FRZB: variants seen among roughly 807,000 people sequenced by gnomAD.
FRZB encodes frizzled related protein.
Under a neutral mutation model 32.5 loss-of-function variants are expected in FRZB, and 34 were observed. The observed-to-expected ratio is 1.05, with a 90% CI of 0.80 to 1.39. The LOEUF is 1.39. FRZB is among the 40% of genes most tolerant of loss of function. The pLI is 0.00. For missense variants in FRZB, 423 were observed against 424.8 expected, an observed-to-expected ratio of 1.00 and a Z score of 0.04; for synonymous variants, 170 against 159.2, an observed-to-expected ratio of 1.07 and a Z score of -0.51.
chr2:182,838,566 T>C lies in FRZB; in HGVS notation c.640A>G (p.Thr214Ala). Residue 214 changes from threonine to alanine, a missense_variant, in exon 4 of 6, where the codon ACT becomes GCT. By Grantham distance (58) the Thr-to-Ala change is moderately conservative. Transcript: ENST00000295113. ...KEIKTKCHDVTAVVEVKEILK... is the reference protein window; with the variant it reads ...KEIKTKCHDVAAVVEVKEILK... ...ATCTCCTTCACCTCCACTACTGCAG[T>C]CACATCATGGCACTTAGTCTTTATC... is the stretch of plus-strand genomic sequence containing the variant. 1.2e-6 allele frequency: 2 copies of C among 1,612,844 alleles called. No individual in the cohort carries two copies. Among genetic ancestry groups the C allele is most frequent in the Non-Finnish European group, 8.5e-7 (1 of 1,179,120 alleles).
chr2:182,842,420 C>T (rs1695596264), intron 3 of FRZB, 58 bp downstream of exon 3: 3 of 1,167,980 alleles, frequency 2.6e-6, no homozygotes, highest in Non-Finnish European at 2.6e-6. Flanking sequence ...CTCATAGGTG[C>T]ATCCACACAC....
intron 2 of FRZB, among the ~76,000 whole-genome samples, chr2:182,852,683 T>C (rs1345973203): frequency 6.6e-6 from 1 of 152,216 alleles, no homozygotes; most frequent in African/African-American, 2.4e-5. Flanking sequence ...CACTTGAATA[T>C]CTGCTTTAAT....
At chr2:182,850,598 A>G (rs1439344319) in intron 2 of FRZB, among the ~76,000 whole-genome samples, 1 of 152,196 alleles carries the variant, frequency 6.6e-6, no homozygotes, top group African/African-American at 2.4e-5. Context: ...TTGTGCATAT[A>G]TACTACATTC....
At chr2:182,841,054 T>C (rs937582079) in intron 3 of FRZB, among the ~76,000 whole-genome samples, 6 of 152,118 alleles carry the variant, frequency 3.9e-5, no homozygotes, top group Non-Finnish European at 8.8e-5. Flanking sequence ...AGGGCTCCCT[T>C]TTCCCTAGGC....
intron 2 of FRZB, among the ~76,000 whole-genome samples, chr2:182,847,681 G>C (rs1695661280): frequency 6.6e-6 from 1 of 152,204 alleles, no homozygotes; most frequent in South Asian, 2.1e-4. Flanking sequence ...TCTCATTGAA[G>C]AATGAAGTGA....
At chr2:182,851,261 G>T (rs1244609502) in intron 2 of FRZB, among the ~76,000 whole-genome samples, 1 of 152,152 alleles carries the variant, frequency 6.6e-6, no homozygotes, top group African/African-American at 2.4e-5. Flanking sequence ...GGTGAGATCG[G>T]TGGACTAAAA....
chr2:182,845,601 AC>A (rs1420197439), intron 2 of FRZB, among the ~76,000 whole-genome samples: 1 of 152,234 alleles, frequency 6.6e-6, no homozygotes, highest in Non-Finnish European at 1.5e-5. Context: ...GTTGGTTTTG[AC>A]AAAATAGGCT....
At chr2:182,864,516 T>C (rs1322756030) in intron 1 of FRZB, among the ~76,000 whole-genome samples, 1 of 152,246 alleles carries the variant, frequency 6.6e-6, no homozygotes, top group East Asian at 1.9e-4. Context: ...ATTTCTGTGA[T>C]GATTTTGCAC....
intron 2 of FRZB, among the ~76,000 whole-genome samples, chr2:182,851,105 G>A (rs897119265): frequency 6.6e-6 from 1 of 152,114 alleles, no homozygotes; most frequent in African/African-American, 2.4e-5. Flanking sequence ...TGTCAGAGTT[G>A]CTTATATATT....
chr2:182,858,691 G>T, intron 2 of FRZB, 95 bp downstream of exon 2: 1 of 809,184 alleles, frequency 1.2e-6, no homozygotes, highest in Non-Finnish European at 2.0e-6. Flanking sequence ...TAAAATGTAG[G>T]GCACAAGCTT....
intron 3 of FRZB, among the ~76,000 whole-genome samples, chr2:182,839,877 G>C (rs912014581): frequency 4.6e-5 from 7 of 152,112 alleles, no homozygotes; most frequent in African/African-American, 1.7e-4. Context: ...ACTTTAATCT[G>C]AGTACTTTCC....
chr2:182,834,795 A>G lies in FRZB; in HGVS notation c.*54T>C, dbSNP rs999722967. 4 of 1,255,010 alleles carry G rather than the reference A, an allele frequency of 3.2e-6. No individual in the cohort carries two copies. Among genetic ancestry groups the G allele is most frequent in the East Asian group, 2.3e-5 (1 of 43,280 alleles). 77.7% of individuals were successfully genotyped at this position (1,255,010 alleles called of 1,614,324 possible). A position where few individuals can be genotyped will look rare whatever the true frequency, so the allele number is the denominator to read the frequency against. On this transcript the variant is annotated 3_prime_UTR_variant, in exon 6 of 6. Coordinates refer to ENST00000295113, the MANE Select transcript of FRZB (RefSeq NM_001463.4). The stretch of plus-strand genomic sequence containing the variant: ...GCAATTTTCCTTTGCTAGTCCAGCA[A>G]TGCAAGTAAGTCTTAATAGGAAGTC...
At chr2:182,849,360 G>T (rs372455569) in intron 2 of FRZB, among the ~76,000 whole-genome samples, 1 of 152,050 alleles carries the variant, frequency 6.6e-6, no homozygotes, top group African/African-American at 2.4e-5. Context: ...CTTAAGATTT[G>T]TAGTATTTTA....
chr2:182,865,357 A>T (rs562248136), intron 1 of FRZB, among the ~76,000 whole-genome samples: 1 of 152,334 alleles, frequency 6.6e-6, no homozygotes, highest in African/African-American at 2.4e-5. Flanking sequence ...CAGTAATTTC[A>T]GTCTGCCAGC....
At position 182,838,574 on chromosome 2, in the gene FRZB, T is replaced by C; in HGVS notation, c.632A>G (p.His211Arg). The change falls in exon 4 of 6, where the codon CAT becomes CGT. Residue 211 changes from histidine to arginine, a missense_variant. Physicochemically the swap from His to Arg is conservative, Grantham distance 29. Coordinates refer to ENST00000295113, the MANE Select transcript of FRZB (RefSeq NM_001463.4). ...CACCTCCACTACTGCAGTCACATCA[T>C]GGCACTTAGTCTTTATCTCTTTAAC... ...AKVKEIKTKC[H>R]DVTAVVEVKE... 9 of 1,612,874 alleles carry C rather than the reference T, an allele frequency of 5.6e-6. No homozygotes were observed. Among genetic ancestry groups the C allele is most frequent in the Non-Finnish European group, 6.8e-6 (8 of 1,179,126 alleles).
chr2:182,837,553 G>A (rs576379882), intron 5 of FRZB, among the ~76,000 whole-genome samples: 2 of 151,962 alleles, frequency 1.3e-5, no homozygotes, highest in Non-Finnish European at 2.9e-5. Flanking sequence ...TGCCTGAAAT[G>A]TACATGTGAT....
intron 2 of FRZB, among the ~76,000 whole-genome samples, chr2:182,848,584 A>G (rs561651751): frequency 4.5e-4 from 69 of 152,282 alleles, no homozygotes; most frequent in Middle Eastern, 3.4e-3. Flanking sequence ...CGAACCCTAG[A>G]GTCCTGGTGT....
intron 1 of FRZB, among the ~76,000 whole-genome samples, chr2:182,861,361 G>A (rs1201955831): frequency 6.6e-6 from 1 of 152,152 alleles, no homozygotes; most frequent in East Asian, 1.9e-4. Flanking sequence ...TCCAAAATGG[G>A]AATAATAATG....
Position 182,866,017 on chromosome 2 carries a change from A to T in FRZB, c.478+58T>A, listed in dbSNP as rs1695886028. On this transcript the variant is annotated intron_variant, in intron 1 of 5. Coordinates refer to ENST00000295113, the MANE Select transcript of FRZB (RefSeq NM_001463.4). This position sits in a 1 kb window ranked among gnomAD's most constrained non-coding sequence, Gnocchi z 4.5. Reference sequence around the variant, plus strand: ...TAGAGAGTAAAGGCTAGTAACAAGGACTCCAAGAATTGAGGAGGCTGTAGG... The same window carrying T: ...TAGAGAGTAAAGGCTAGTAACAAGGTCTCCAAGAATTGAGGAGGCTGTAGG... 1 of 1,343,784 alleles carries T rather than the reference A, an allele frequency of 7.4e-7. No individual in the cohort carries two copies. Among genetic ancestry groups the T allele is most frequent in the Non-Finnish European group, 1.0e-6 (1 of 958,174 alleles). 83.2% of individuals were successfully genotyped at this position (1,343,784 alleles called of 1,614,324 possible). A position where few individuals can be genotyped will look rare whatever the true frequency, so the allele number is the denominator to read the frequency against.
Sources: gnomAD v4.1 joint callset for allele counts (sites outside exome capture counted in the v4.1 genomes callset) on GRCh38, gnomAD v4.1.1 for gene constraint, Gnocchi (gnomAD v3.1) non-coding constraint, MANE v1.5 for transcripts, NCBI Gene and HGNC (gene_info 2026-07-23, HGNC 2026-07-21) for gene names.